Variants in HK2 observed in about 807,000 individuals in gnomAD.
HK2 encodes hexokinase 2.
Under a neutral mutation model 92.9 loss-of-function variants are expected in HK2, and 42 were observed. That is an observed-to-expected ratio of 0.45 (90% CI 0.35 to 0.58). The LOEUF is 0.58. Ranked by LOEUF, HK2 falls within the 20% of genes least tolerant of loss-of-function variation. HK2 has a pLI of 0.00. For missense variants in HK2, 978 were observed against 1,245.1 expected (o/e 0.79, Z 3.23); for synonymous variants, 422 against 468.0 (o/e 0.90, Z 1.27).
At chr2:74,881,375 G>T (rs189352730) in intron 10 of HK2, among the ~76,000 whole-genome samples, 81 of 152,268 alleles carry the variant, frequency 5.3e-4, no homozygotes, top group Non-Finnish European at 9.9e-4. Context: ...GTATGGCCCC[G>T]GGCAAGTGAT....
rs1232860225 is a variant in HK2, at chr2:74,860,291, G to A, written c.226+5836G>A. 2.6e-5 allele frequency among the ~76,000 whole-genome samples: 4 copies of A among 152,162 alleles called. No individual in the cohort carries two copies. The East Asian group carries it at 5.8e-4, about 22-fold the overall frequency. On this transcript the variant is annotated intron_variant, in intron 2 of 17. Transcript: ENST00000290573. ...AAAGCCCTCACTTCACCATTGTGCA[G>A]TATATCCATGTAACAAAATTATGTT...
At chr2:74,847,109 A>G (rs1322195040) in intron 1 of HK2, among the ~76,000 whole-genome samples, 1 of 152,134 alleles carries the variant, frequency 6.6e-6, no homozygotes, top group African/African-American at 2.4e-5. Context: ...AAATATCCCA[A>G]GACTGGGGAG....
intron 3 of HK2, among the ~76,000 whole-genome samples, chr2:74,871,854 A>T (rs543205005): frequency 6.6e-6 from 1 of 152,308 alleles, no homozygotes; most frequent in Admixed American, 6.5e-5. Flanking sequence ...CAGGGATACT[A>T]AAATACTTCT....
At chr2:74,861,168 C>A (rs1328290211) in intron 2 of HK2, among the ~76,000 whole-genome samples, 1 of 152,168 alleles carries the variant, frequency 6.6e-6, no homozygotes, top group African/African-American at 2.4e-5. Context: ...TGGCTTACGC[C>A]TGTAATCCTA....
At chr2:74,837,477 A>G (rs773237597) in intron 1 of HK2, among the ~76,000 whole-genome samples, 55 of 152,148 alleles carry the variant, frequency 3.6e-4, no homozygotes, top group Non-Finnish European at 6.3e-4. Flanking sequence ...AACTCTGTCA[A>G]CTGGTCTCTT....
At chr2:74,844,449 C>A (rs978309285) in intron 1 of HK2, among the ~76,000 whole-genome samples, 5 of 152,208 alleles carry the variant, frequency 3.3e-5, no homozygotes, top group Admixed American at 3.3e-4. Context: ...TGGAGGAAAG[C>A]ACTATCAGTA....
intron 2 of HK2, among the ~76,000 whole-genome samples, chr2:74,866,607 T>C (rs1688955084): frequency 6.6e-6 from 1 of 152,220 alleles, no homozygotes; most frequent in South Asian, 2.1e-4. Flanking sequence ...CACTGCTGTT[T>C]CCTGGAGGGT....
In HK2 at chr2:74,891,190, A is replaced by C; in HGVS notation, c.*249A>C. 1 of 531,884 alleles carries C rather than the reference A, an allele frequency of 1.9e-6. No individual in the cohort carries two copies. The highest frequency in any genetic ancestry group is 2.0e-5 in the South Asian group (1 of 49,048). The allele number at this position is 531,884 out of a possible 1,614,324, so 32.9% of individuals were successfully genotyped here. A position where few individuals can be genotyped will look rare whatever the true frequency, so the allele number is the denominator to read the frequency against. On this transcript the variant is annotated 3_prime_UTR_variant, in exon 18 of 18. Coordinates refer to ENST00000290573, the MANE Select transcript of HK2 (RefSeq NM_000189.5). The stretch of plus-strand genomic sequence containing the variant: ...CATAACCATTCCCATTGGTTCTCCT[A>C]AAACATGAAAATTATCTCCCTTAGT...
intron 17 of HK2, among the ~76,000 whole-genome samples, chr2:74,890,150 G>T (rs1470649841): frequency 6.6e-6 from 1 of 152,144 alleles, no homozygotes; most frequent in Non-Finnish European, 1.5e-5. Context: ...GGATTGGGAG[G>T]GGGCAGAAGC....
Position 74,854,317 on chromosome 2 carries a change from C to A in HK2, c.88C>A (p.Arg30Ser), listed in dbSNP as rs567201785. 1.2e-6 allele frequency: 2 copies of A among 1,612,796 alleles called. No homozygotes were observed. Among genetic ancestry groups the A allele is most frequent in the African/African-American group, 2.7e-5 (2 of 74,874 alleles). ...QKVDQYLYHM[R>S]LSDETLLEIS... ...GGTTGACCAGTATCTCTACCACATG[C>A]GCCTCTCTGATGAGACCCTCTTGGA... The change falls in exon 2 of 18, where the codon CGC (arginine) becomes AGC (serine). Residue 30 changes from arginine to serine, a missense_variant. By Grantham distance (110) the Arg-to-Ser change is moderately radical. Coordinates refer to ENST00000290573, the MANE Select transcript of HK2 (RefSeq NM_000189.5).
chr2:74,848,989 C>A (rs1688505959), intron 1 of HK2, among the ~76,000 whole-genome samples: 1 of 152,242 alleles, frequency 6.6e-6, no homozygotes, highest in Non-Finnish European at 1.5e-5. Flanking sequence ...CCAGGCCTTT[C>A]CTTCCTGGGC....
chr2:74,886,604 G>A lies in HK2; in HGVS notation c.2150G>A (p.Cys717Tyr), dbSNP rs764409436. 1.2e-6 allele frequency: 2 copies of A among 1,614,034 alleles called. No individual in the cohort carries two copies. The highest frequency in any genetic ancestry group is 1.1e-5 in the South Asian group (1 of 91,076). The change falls in exon 15 of 18, where the codon TGC becomes TAC. Residue 717 changes from cysteine to tyrosine, a missense_variant. By Grantham distance (194) the Cys-to-Tyr change is radical. Transcript: ENST00000290573. ...MEWGAFGDNG[C>Y]LDDFRTEFDV... ...TGGGGGGCCTTCGGGGACAATGGATGCCTAGATGACTTCCGCACAGAATTT... is the reference window on the plus strand; with the variant it reads ...TGGGGGGCCTTCGGGGACAATGGATACCTAGATGACTTCCGCACAGAATTT...
At chr2:74,862,087 A>G (rs1236850765) in intron 2 of HK2, among the ~76,000 whole-genome samples, 1 of 152,248 alleles carries the variant, frequency 6.6e-6, no homozygotes, top group East Asian at 1.9e-4. Context: ...CGTTAGTGCC[A>G]GGTACTGTGC....
intron 14 of HK2, 43 bp from the exon 15 acceptor site, chr2:74,886,447 G>A (rs1422199301): frequency 6.2e-7 from 1 of 1,613,992 alleles, no homozygotes; most frequent in Non-Finnish European, 8.5e-7. Flanking sequence ...TGGGTGTGGA[G>A]GGGTTGGTGC....
intron 1 of HK2, among the ~76,000 whole-genome samples, chr2:74,850,253 A>G (rs1174567106): frequency 2.0e-5 from 3 of 152,174 alleles, no homozygotes; most frequent in African/African-American, 7.2e-5. Flanking sequence ...TTTTCTTTAA[A>G]AGCTCCTCAT....
chr2:74,882,362 T>A, intron 12 of HK2, 123 bp downstream of exon 12: 1 of 1,436,682 alleles, frequency 7.0e-7, no homozygotes, highest in Non-Finnish European at 9.7e-7. Context: ...GAGTTACCAG[T>A]AGTGGGGAGG....
At chr2:74,845,222 A>G (rs897547633) in intron 1 of HK2, among the ~76,000 whole-genome samples, 6 of 152,248 alleles carry the variant, frequency 3.9e-5, no homozygotes, top group Non-Finnish European at 8.8e-5. Context: ...TTGTTAATGT[A>G]TCTGTCTTCT....
chr2:74,852,582 G>A (rs28362974), intron 1 of HK2, among the ~76,000 whole-genome samples: 2 of 152,152 alleles, frequency 1.3e-5, no homozygotes, highest in African/African-American at 2.4e-5. Flanking sequence ...GATGGAGGGT[G>A]GGGGGCTAGT....
intron 1 of HK2, among the ~76,000 whole-genome samples, chr2:74,851,439 C>A (rs1483760964): frequency 6.6e-6 from 1 of 152,210 alleles, no homozygotes; most frequent in South Asian, 2.1e-4. Context: ...CTCGATTCTT[C>A]AAGGGTTGAG....
Sources: allele counts gnomAD v4.1 joint callset (sites outside exome capture counted in the v4.1 genomes callset), GRCh38; gene constraint gnomAD v4.1.1; transcripts MANE v1.5; gene names NCBI Gene and HGNC (gene_info 2026-07-23, HGNC 2026-07-21).